Variants in RGS6 observed in about 807,000 individuals in gnomAD.
RGS6 encodes the protein regulator of G-protein signaling 6.
RGS6 carries 30 observed loss-of-function variants against 78.5 expected under a neutral mutation model. The ratio of observed to expected loss-of-function variants is 0.38; its 90% CI spans 0.29 to 0.52. The LOEUF (loss-of-function observed/expected upper bound fraction) is 0.52. Ranked by LOEUF, RGS6 falls within the 20% of genes least tolerant of loss-of-function variation. RGS6 has a pLI of 0.85. For missense variants in RGS6, 495 were observed against 609.7 expected, an observed-to-expected ratio of 0.81 and a Z score of 1.98; for synonymous variants, 206 against 206.0, an observed-to-expected ratio of 1.00 and a Z score of 0.00.
chr14:72,280,352 A>T (rs1404158121), intron 2 of RGS6, among the ~76,000 whole-genome samples: 6 of 152,214 alleles, frequency 3.9e-5, no homozygotes, highest in African/African-American at 1.4e-4. Context: ...TAAAAGATGT[A>T]GCCTGAATGA....
At chr14:72,184,955 A>C (rs935231727) in intron 2 of RGS6, among the ~76,000 whole-genome samples, 1 of 152,206 alleles carries the variant, frequency 6.6e-6, no homozygotes, top group Non-Finnish European at 1.5e-5. Context: ...GGCCATCTGC[A>C]AGCTGAGGAG....
intron 12 of RGS6, among the ~76,000 whole-genome samples, chr14:72,488,265 C>T (rs1022922582): frequency 3.3e-5 from 5 of 152,206 alleles, no homozygotes; most frequent in Non-Finnish European, 4.4e-5. Context: ...TCCTTCTCCA[C>T]GTGTTCCTCT....
At chr14:72,497,167 T>G (rs567735822) in intron 13 of RGS6, among the ~76,000 whole-genome samples, 2 of 152,336 alleles carry the variant, frequency 1.3e-5, no homozygotes, top group East Asian at 3.9e-4. Flanking sequence ...TCCAGATTCC[T>G]CTTGAGCAAA....
intron 13 of RGS6, among the ~76,000 whole-genome samples, chr14:72,506,182 T>C (rs138342927): frequency 1.3e-5 from 2 of 152,294 alleles, no homozygotes; most frequent in Non-Finnish European, 2.9e-5. Context: ...AAAAGTCCTA[T>C]GCTCATTACA....
chr14:72,096,006 C>T (rs762345626), intron 2 of RGS6, among the ~76,000 whole-genome samples: 28 of 152,142 alleles, frequency 1.8e-4, no homozygotes, highest in Non-Finnish European at 2.5e-4. Context: ...CAGTGGCTCA[C>T]GCCTGTAATC....
chr14:72,541,694 A>C, intron 17 of RGS6: 1 of 1,475,774 alleles, frequency 6.8e-7, no homozygotes, highest in African/African-American at 1.4e-5. Flanking sequence ...ATGGTTAGGG[A>C]TTTTGCTGAC....
At chr14:72,425,281 G>A (rs1029209753) in intron 3 of RGS6, among the ~76,000 whole-genome samples, 3 of 152,106 alleles carry the variant, frequency 2.0e-5, no homozygotes, top group African/African-American at 7.2e-5. Flanking sequence ...TGGGACTACA[G>A]ATACACATTG....
chr14:72,423,943 T>C (rs957222988), intron 3 of RGS6, among the ~76,000 whole-genome samples: 2 of 152,200 alleles, frequency 1.3e-5, no homozygotes, highest in Non-Finnish European at 2.9e-5. Flanking sequence ...CATCCAGTCA[T>C]TCATTCAGTG....
At chr14:72,236,183 A>T (rs1389022808) in intron 2 of RGS6, among the ~76,000 whole-genome samples, 1 of 152,122 alleles carries the variant, frequency 6.6e-6, no homozygotes, top group African/African-American at 2.4e-5. Flanking sequence ...ACAAACAGAA[A>T]ATCTGAAGTA....
chr14:72,446,716 G>C (rs1323255542), intron 3 of RGS6, among the ~76,000 whole-genome samples: 1 of 152,214 alleles, frequency 6.6e-6, no homozygotes, highest in Non-Finnish European at 1.5e-5. Context: ...CCCTGAGCTT[G>C]TTTTCCTGTA....
At chr14:71,918,998 T>C in the RGS6 span, among the ~76,000 whole-genome samples, 2 of 151,790 alleles carry the variant, frequency 1.3e-5, no homozygotes, top group East Asian at 1.9e-4. Flanking sequence ...CTTTTTTTTT[T>C]CCCAAGAAAG....
chr14:72,062,347 G>T (rs1276161900), intron 2 of RGS6, among the ~76,000 whole-genome samples: 1 of 152,196 alleles, frequency 6.6e-6, no homozygotes, highest in Non-Finnish European at 1.5e-5. Flanking sequence ...CAGAGACGTG[G>T]TCAAGAGCCA....
chr14:72,316,576 T>A, intron 2 of RGS6, among the ~76,000 whole-genome samples: 1 of 152,250 alleles, frequency 6.6e-6, no homozygotes, highest in Middle Eastern at 3.2e-3. Context: ...TCATCCTTTT[T>A]TATGGCTGCA....
At chr14:71,879,195 A>G in the RGS6 span, among the ~76,000 whole-genome samples, 2 of 152,300 alleles carry the variant, frequency 1.3e-5, no homozygotes, top group East Asian at 3.9e-4. Flanking sequence ...AATTATTTTC[A>G]TTTGCCCTCT....
chr14:72,323,800 C>CAAAAA lies in RGS6; in HGVS notation c.85-28258_85-28254dup, dbSNP rs58303649. 5.8e-3 allele frequency among the ~76,000 whole-genome samples: 97 copies of CAAAAA among 16,820 alleles called. 32 individuals carry two copies. Among genetic ancestry groups the CAAAAA allele is most frequent in the Non-Finnish European group, 8.0e-3 (75 of 9,414 alleles). 11.0% of individuals were successfully genotyped at this position (16,820 alleles called of 152,430 possible). On this transcript the variant is annotated intron_variant, in intron 2 of 17. Coordinates refer to ENST00000553525, the MANE Select transcript of RGS6 (RefSeq NM_001204424.2). Reference sequence around the variant, plus strand: ...TGGGTGACAGAGTGAGACTCCATCTCAAAAAAAAAAAAAAAAAAAAAAAAA... The same window carrying CAAAAA: ...TGGGTGACAGAGTGAGACTCCATCTCAAAAAAAAAAAAAAAAAAAAAAAAAAAAAA...
chr14:72,447,036 G>A (rs1236706528), intron 3 of RGS6, among the ~76,000 whole-genome samples: 2 of 152,164 alleles, frequency 1.3e-5, no homozygotes, highest in Non-Finnish European at 2.9e-5. Flanking sequence ...CTGAGCTAGA[G>A]GAAGAGGTGG....
the RGS6 span, among the ~76,000 whole-genome samples, chr14:71,920,949 A>G: frequency 0.06 from 9,164 of 152,268 alleles, 376 homozygotes; most frequent in Non-Finnish European, 0.091. Context: ...AATATTTACA[A>G]TATTTTGCAA....
chr14:72,115,970 A>G (rs1035294464), intron 2 of RGS6, among the ~76,000 whole-genome samples: 31 of 152,196 alleles, frequency 2.0e-4, no homozygotes, highest in African/African-American at 7.2e-4. Flanking sequence ...TGCAGACATC[A>G]GTTCTGTATT....
the RGS6 span, among the ~76,000 whole-genome samples, chr14:71,881,226 G>A: frequency 2.1e-3 from 323 of 152,300 alleles, no homozygotes; most frequent in African/African-American, 7.2e-3. Context: ...TGATTTTACA[G>A]GCTCATAGGC....
Sources: allele counts gnomAD v4.1 joint callset (sites outside exome capture counted in the v4.1 genomes callset), GRCh38; gene constraint gnomAD v4.1.1; transcripts MANE v1.5; gene names NCBI Gene and HGNC (gene_info 2026-07-23, HGNC 2026-07-21).